Variants in TEAD1 observed in about 807,000 individuals in gnomAD.
TEAD1 encodes transcriptional enhancer factor TEF-1.
In TEAD1, 9 loss-of-function variants were observed where a neutral mutation model predicts 54.9. The ratio of observed to expected loss-of-function variants is 0.16; its 90% confidence interval spans 0.10 to 0.29. The LOEUF is 0.29. Among genes scored for constraint, TEAD1 ranks in the 10% least tolerant of loss-of-function variants. The pLI is 1.00. For synonymous variants in TEAD1, 200 were observed against 187.8 expected (o/e 1.07, Z -0.53); for missense variants, 387 against 535.9 (o/e 0.72, Z 2.74).
chr11:12,843,111 C>T lies in TEAD1; in HGVS notation c.203-19139C>T, dbSNP rs191126698. 2.9e-3 allele frequency among the ~76,000 whole-genome samples: 448 copies of T among 152,248 alleles called. 1 individual carries two copies. The highest frequency in any genetic ancestry group is 6.9e-3 in the Admixed American group (105 of 15,298). On this transcript the variant is annotated intron_variant, in intron 3 of 12. Transcript: ENST00000527636. ...GGTGGTTTTAAGTCCTTTAAGTCATCCATCATGCCTGGCAGCCTCTATTGT... is the reference window on the plus strand; with the variant it reads ...GGTGGTTTTAAGTCCTTTAAGTCATTCATCATGCCTGGCAGCCTCTATTGT...
intron 3 of TEAD1, among the ~76,000 whole-genome samples, chr11:12,774,438 A>G (rs1350212905): frequency 6.6e-6 from 1 of 152,204 alleles, no homozygotes; most frequent in Non-Finnish European, 1.5e-5. Context: ...ATGGATATGC[A>G]TGGAAAGATG....
At chr11:12,715,296 G>A (rs1944032896) in intron 2 of TEAD1, among the ~76,000 whole-genome samples, 1 of 152,154 alleles carries the variant, frequency 6.6e-6, no homozygotes, top group South Asian at 2.1e-4. Context: ...TCGTGACCCA[G>A]TGTAACCAGC....
At chr11:12,862,950 A>C (rs1456686313) in intron 4 of TEAD1, among the ~76,000 whole-genome samples, 3 of 152,144 alleles carry the variant, frequency 2.0e-5, no homozygotes, top group Admixed American at 2.0e-4. Context: ...AAACAGCCCA[A>C]ATCTCTGACA....
rs1948153678 is a variant in TEAD1, at chr11:12,889,457, CTG to C, written c.699+6338_699+6339del. On this transcript the variant is annotated intron_variant, in intron 9 of 12. Coordinates refer to ENST00000527636, the MANE Select transcript of TEAD1 (RefSeq NM_021961.6). ...CTGCTCAGACTGCCCGGTCACCAGG[CTG>C]TGTGTCTCATGCCTGTTGTGGTCTG... Among the ~76,000 whole-genome samples the C allele has an allele frequency of 3.3e-5, 5 of 152,330 alleles. No homozygotes were observed. In the South Asian group the frequency reaches 1.0e-3, roughly 32 times the overall value.
chr11:12,856,084 G>A lies in TEAD1; in HGVS notation c.203-6166G>A, dbSNP rs531198062. Among the ~76,000 whole-genome samples, 4 of 151,488 alleles carry A rather than the reference G, an allele frequency of 2.6e-5. No individual in the cohort carries two copies. In the South Asian group the frequency reaches 8.3e-4, roughly 32 times the overall value. On this transcript the variant is annotated intron_variant, in intron 3 of 12. Coordinates refer to ENST00000527636, the MANE Select transcript of TEAD1 (RefSeq NM_021961.6). ...TGCTGATGCCGGCATGGGGTCTCCT[G>A]TGGAAGACATCTTTCTTTGCTTCTT...
At position 12,710,600 on chromosome 11, in the gene TEAD1, ATTTAT is replaced by A. The variant is rs1189571306; in HGVS notation, c.-55+35042_-55+35046del. Among the ~76,000 whole-genome samples, 8 of 152,228 alleles carry A rather than the reference ATTTAT, an allele frequency of 5.3e-5. No homozygotes were observed. In the South Asian group the frequency reaches 1.7e-3, roughly 32 times the overall value. ...ATAAAGAGGGAGCATCTTTATTATA[ATTTAT>A]TTAATCAAGAGCAAGCACTGGCCAG... is the stretch of plus-strand genomic sequence containing the variant. On this transcript the variant is annotated intron_variant, in intron 2 of 12. Coordinates refer to ENST00000527636, the MANE Select transcript of TEAD1 (RefSeq NM_021961.6).
chr11:12,816,318 G>A (rs1946414027), intron 3 of TEAD1, among the ~76,000 whole-genome samples: 1 of 152,208 alleles, frequency 6.6e-6, no homozygotes, highest in Non-Finnish European at 1.5e-5. Flanking sequence ...GGATTTTGGA[G>A]GAGCATTCTG....
intron 11 of TEAD1, among the ~76,000 whole-genome samples, chr11:12,929,577 T>C (rs911941088): frequency 6.6e-6 from 1 of 152,166 alleles, no homozygotes; most frequent in Non-Finnish European, 1.5e-5. Context: ...TCCCTTTTCA[T>C]TGCTCTTTAG....
At chr11:12,800,431 G>A (rs892854172) in intron 3 of TEAD1, among the ~76,000 whole-genome samples, 7 of 152,180 alleles carry the variant, frequency 4.6e-5, no homozygotes, top group African/African-American at 1.7e-4. Context: ...AATTAGATAA[G>A]GCTTCTGCTC....
intron 2 of TEAD1, among the ~76,000 whole-genome samples, chr11:12,682,527 T>C (rs905436658): frequency 6.6e-6 from 1 of 152,052 alleles, no homozygotes; most frequent in Non-Finnish European, 1.5e-5. Flanking sequence ...TGTTGGGAAA[T>C]GAGGGGTAGG....
intron 10 of TEAD1, among the ~76,000 whole-genome samples, chr11:12,909,082 A>G (rs1184559406): frequency 2.0e-5 from 3 of 152,178 alleles, no homozygotes; most frequent in Non-Finnish European, 2.9e-5. Flanking sequence ...ACAAAAAACA[A>G]TCTTCTATTG....
At chr11:12,908,303 T>G (rs1948554379) in intron 10 of TEAD1, among the ~76,000 whole-genome samples, 1 of 152,152 alleles carries the variant, frequency 6.6e-6, no homozygotes, top group African/African-American at 2.4e-5. Context: ...CTCTGAAGCT[T>G]AGAGCCAGCT....
chr11:12,707,206 C>T (rs1355015979), intron 2 of TEAD1, among the ~76,000 whole-genome samples: 5 of 144,388 alleles, frequency 3.5e-5, no homozygotes, highest in Non-Finnish European at 7.5e-5. Flanking sequence ...GTGTTTATCT[C>T]ACTTTCTATA....
At position 12,912,436 on chromosome 11, in the gene TEAD1, G is replaced by T. The variant is rs1033371928; in HGVS notation, c.873+10323G>T. Among the ~76,000 whole-genome samples, 14 of 152,268 alleles carry T rather than the reference G, an allele frequency of 9.2e-5. No individual in the cohort carries two copies. The East Asian group carries it at 2.5e-3, about 27-fold the overall frequency. On this transcript the variant is annotated intron_variant, in intron 10 of 12. Transcript: ENST00000527636. ...TTAAACAGAATCTTGATAGAATTTG[G>T]TCAGTGCAAGGGGAGTGAGAAGGAG...
chr11:12,930,040 G>T, intron 11 of TEAD1, 134 bp from the exon 12 acceptor site: 1 of 937,034 alleles, frequency 1.1e-6, no homozygotes, highest in Non-Finnish European at 1.7e-6. Context: ...TAATTAAGTA[G>T]ATTACGTAAG....
intron 2 of TEAD1, among the ~76,000 whole-genome samples, chr11:12,693,094 G>A (rs1259158393): frequency 6.6e-6 from 1 of 152,202 alleles, no homozygotes; most frequent in African/African-American, 2.4e-5. Context: ...GTTTTTTCTA[G>A]TGGGGACCTC....
At chr11:12,683,277 A>T (rs1943262841) in intron 2 of TEAD1, among the ~76,000 whole-genome samples, 1 of 152,246 alleles carries the variant, frequency 6.6e-6, no homozygotes, top group South Asian at 2.1e-4. Context: ...GCTGCATCTT[A>T]TCGGCAGTCA....
intron 2 of TEAD1, among the ~76,000 whole-genome samples, chr11:12,678,202 A>G (rs890604060): frequency 6.6e-6 from 1 of 152,244 alleles, no homozygotes; most frequent in Non-Finnish European, 1.5e-5. Context: ...TTCTCTGTAG[A>G]ACTGCAAGAA....
At chr11:12,799,201 T>C (rs1946000498) in intron 3 of TEAD1, among the ~76,000 whole-genome samples, 1 of 152,262 alleles carries the variant, frequency 6.6e-6, no homozygotes, top group African/African-American at 2.4e-5. Context: ...TCTCAGTGTT[T>C]TACAAATATT....
Sources: gnomAD v4.1 joint callset for allele counts (sites outside exome capture counted in the v4.1 genomes callset) on GRCh38, gnomAD v4.1.1 for gene constraint, MANE v1.5 for transcripts, NCBI Gene and HGNC (gene_info 2026-07-23, HGNC 2026-07-21) for gene names.